The following WDTC1 variants were observed in gnomAD, a reference collection of about 807,000 sequenced individuals.
WDTC1 encodes WD and tetratricopeptide repeats protein 1.
A neutral mutation model predicts 76.0 loss-of-function variants in WDTC1; 12 were observed. That is an observed-to-expected ratio of 0.16 (90% CI 0.10 to 0.26). WDTC1 has a LOEUF of 0.26. Among genes scored for constraint, WDTC1 ranks in the 10% least tolerant of loss-of-function variants. The probability of loss-of-function intolerance (pLI) is 1.00; values close to 1 mark genes in which losing one functional copy is unlikely to be tolerated. For missense variants in WDTC1, 511 were observed against 908.8 expected, an observed-to-expected ratio of 0.56 and a Z score of 5.63; for synonymous variants, 326 against 350.8, an observed-to-expected ratio of 0.93 and a Z score of 0.79.
In WDTC1 at chr1:27,306,296, C is replaced by T; in HGVS notation, c.1947C>T (p.Tyr649=). The T allele has an allele frequency of 6.2e-7, 1 of 1,614,090 alleles. No individual in the cohort carries two copies. Among genetic ancestry groups the T allele is most frequent in the Non-Finnish European group, 8.5e-7 (1 of 1,180,012 alleles). Residue 649 remains tyrosine, a synonymous_variant, in exon 16 of 16, where the codon TAC becomes TAT. Coordinates refer to ENST00000319394, the MANE Select transcript of WDTC1 (RefSeq NM_001276252.2). The surrounding 1 kb of genome is among the most constrained non-coding windows in gnomAD (Gnocchi z 5.0). Reference sequence around the variant, plus strand: ...AGGTGATGCTGCTCAACATGGGCTACCGGATCACGGGCCTGAGCAGTGGGG... The same window carrying T: ...AGGTGATGCTGCTCAACATGGGCTATCGGATCACGGGCCTGAGCAGTGGGG... ...PLEVMLLNMG[Y]RITGLSSGGA...
intron 6 of WDTC1, among the ~76,000 whole-genome samples, chr1:27,289,972 G>A (rs1450959785): frequency 6.6e-6 from 1 of 151,366 alleles, no homozygotes; most frequent in African/African-American, 2.4e-5. Context: ...GAGAGAGACC[G>A]TGGAAAGAGA....
At chr1:27,248,038 C>T (rs1251900405) in intron 1 of WDTC1, among the ~76,000 whole-genome samples, 5 of 152,202 alleles carry the variant, frequency 3.3e-5, no homozygotes, top group African/African-American at 1.2e-4. Flanking sequence ...CTTCTTTATC[C>T]CATCTGCTGT....
intron 1 of WDTC1, among the ~76,000 whole-genome samples, chr1:27,240,228 T>G (rs987568704): frequency 1.3e-5 from 2 of 152,052 alleles, no homozygotes; most frequent in Admixed American, 6.6e-5. Flanking sequence ...TCTTCAGAGC[T>G]CCCCTGGAAG....
At chr1:27,288,557 T>C (rs997891042) in intron 6 of WDTC1, among the ~76,000 whole-genome samples, 3 of 151,642 alleles carry the variant, frequency 2.0e-5, no homozygotes, top group Admixed American at 6.6e-5. Context: ...TGACTCTTAA[T>C]GAGCATGCTG....
chr1:27,251,830 A>T (rs1273174923), intron 1 of WDTC1, among the ~76,000 whole-genome samples: 1 of 151,830 alleles, frequency 6.6e-6, no homozygotes, highest in Non-Finnish European at 1.5e-5. Context: ...CTATTAAACA[A>T]ATCAAAATCT....
chr1:27,302,741 A>AAAC (rs752573510), intron 13 of WDTC1, among the ~76,000 whole-genome samples: 1 of 151,942 alleles, frequency 6.6e-6, no homozygotes, highest in Non-Finnish European at 1.5e-5. Context: ...ATCCTGTCTC[A>AAAC]AACAACAACA....
intron 6 of WDTC1, 109 bp from the exon 7 acceptor site, chr1:27,292,106 A>G (rs574771032): frequency 2.8e-5 from 33 of 1,163,816 alleles, no homozygotes; most frequent in Non-Finnish European, 3.8e-5. Flanking sequence ...ATTTAGAAAC[A>G]GGTCCAAAGT....
At chr1:27,297,719 G>C (rs1481877484) in intron 11 of WDTC1, among the ~76,000 whole-genome samples, 1 of 152,178 alleles carries the variant, frequency 6.6e-6, no homozygotes, top group Non-Finnish European at 1.5e-5. Context: ...CACTGGCTGA[G>C]AGTATTTGGA....
chr1:27,292,556 T>C (rs1053660078), intron 7 of WDTC1, among the ~76,000 whole-genome samples, 159 bp downstream of exon 7: 1 of 152,018 alleles, frequency 6.6e-6, no homozygotes, highest in Non-Finnish European at 1.5e-5. Context: ...GCCTCTCAAG[T>C]AGCTGAGACT....
chr1:27,267,112 A>C (rs2012701248), intron 3 of WDTC1, among the ~76,000 whole-genome samples: 1 of 152,110 alleles, frequency 6.6e-6, no homozygotes, highest in South Asian at 2.1e-4. Context: ...TTTTGACTTT[A>C]TAGTTTACAT....
At position 27,296,453 on chromosome 1, in the gene WDTC1, T is replaced by G. The variant is rs768574695; in HGVS notation, c.949+52T>G. The G allele has an allele frequency of 3.2e-6, 5 of 1,582,134 alleles. No homozygotes were observed. In the African/African-American group the frequency reaches 4.0e-5, roughly 13 times the overall value. On this transcript the variant is annotated intron_variant, in intron 10 of 15. Transcript: ENST00000319394. ...CTGCGGCGGTGTAGGGGAGCTTAAG[T>G]GCATGCTACACCTGCTGAGAAGCCT...
intron 1 of WDTC1, among the ~76,000 whole-genome samples, chr1:27,252,344 T>C (rs1435845631): frequency 2.0e-5 from 3 of 151,870 alleles, no homozygotes; most frequent in Non-Finnish European, 4.4e-5. Context: ...CTGAGCGAGA[T>C]CCTGTCTCAA....
chr1:27,294,413 T>A, intron 8 of WDTC1, 101 bp from the exon 9 acceptor site: 1 of 1,081,256 alleles, frequency 9.2e-7, no homozygotes, highest in Non-Finnish European at 1.4e-6. Context: ...GCTTTTATGC[T>A]AAAGTTGATT....
At chr1:27,287,994 G>A (rs1381672283) in intron 6 of WDTC1, 133 bp downstream of exon 6, 11 of 1,136,888 alleles carry the variant, frequency 9.7e-6, no homozygotes, top group Non-Finnish European at 1.4e-5. Flanking sequence ...GCAGTTGTCT[G>A]TGTACAAACT....
intron 9 of WDTC1, among the ~76,000 whole-genome samples, chr1:27,295,779 G>GTTTT (rs1221753797): frequency 1.3e-5 from 2 of 151,410 alleles, no homozygotes; most frequent in African/African-American, 4.9e-5. Context: ...TTGTTTGTTT[G>GTTTT]TTTTGAGGCA....
intron 1 of WDTC1, among the ~76,000 whole-genome samples, chr1:27,247,473 C>G (rs1471862883): frequency 6.6e-6 from 1 of 152,128 alleles, no homozygotes; most frequent in African/African-American, 2.4e-5. Flanking sequence ...TCCTCTTCCT[C>G]TTCCCACCCT....
intron 3 of WDTC1, among the ~76,000 whole-genome samples, chr1:27,278,301 C>T (rs976189849): frequency 6.6e-6 from 1 of 152,032 alleles, no homozygotes; most frequent in African/African-American, 2.4e-5. Flanking sequence ...GCAAGACCTA[C>T]AATATTTACT....
chr1:27,249,417 C>T (rs7530701), intron 1 of WDTC1, among the ~76,000 whole-genome samples: 28,268 of 152,092 alleles, frequency 0.19, 3,559 homozygotes, highest in Non-Finnish European at 0.28. Context: ...GCTTCTTTCA[C>T]TTGGCATAAT....
At chr1:27,288,451 A>G (rs2013409486) in intron 6 of WDTC1, among the ~76,000 whole-genome samples, 2 of 152,144 alleles carry the variant, frequency 1.3e-5, no homozygotes, top group South Asian at 4.1e-4. Flanking sequence ...CAGCAGATTA[A>G]CAAGTGAACA....
Sources: allele counts gnomAD v4.1 joint callset (sites outside exome capture counted in the v4.1 genomes callset), GRCh38; gene constraint gnomAD v4.1.1; non-coding constraint Gnocchi (gnomAD v3.1); transcripts MANE v1.5; gene names NCBI Gene and HGNC (gene_info 2026-07-23, HGNC 2026-07-21).